Variants in CNTLN observed in about 807,000 individuals in gnomAD.
CNTLN encodes centlein.
A neutral mutation model predicts 180.0 loss-of-function variants in CNTLN; 212 were observed. The ratio of observed to expected loss-of-function variants is 1.18; its 90% confidence interval spans 1.05 to 1.32. The LOEUF (loss-of-function observed/expected upper bound fraction) is 1.32, where lower values mean the gene tolerates loss of function less well. CNTLN is among the 40% of genes most tolerant of loss of function. CNTLN has a pLI of 0.00. For synonymous variants in CNTLN, 722 were observed against 563.1 expected, an observed-to-expected ratio of 1.28 and a Z score of -3.99; for missense variants, 2,095 against 1,610.9, an observed-to-expected ratio of 1.30 and a Z score of -5.14.
intron 5 of CNTLN, among the ~76,000 whole-genome samples, chr9:17,269,550 T>C (rs1201901102): frequency 6.6e-6 from 1 of 152,196 alleles, no homozygotes; most frequent in Admixed American, 6.5e-5. Flanking sequence ...AATGTTTTGC[T>C]TAATTTCCAT....
intron 2 of CNTLN, among the ~76,000 whole-genome samples, chr9:17,213,018 T>C (rs978507254): frequency 6.6e-6 from 1 of 152,200 alleles, no homozygotes; most frequent in African/African-American, 2.4e-5. Flanking sequence ...GCTAGATTCA[T>C]TGATTTTTCT....
chr9:17,181,512 C>G (rs763065564), intron 2 of CNTLN, among the ~76,000 whole-genome samples: 2 of 152,204 alleles, frequency 1.3e-5, no homozygotes, highest in Non-Finnish European at 2.9e-5. Context: ...TCTGACATCT[C>G]TGTCATCTTG....
At chr9:17,276,304 T>C (rs906188871) in intron 6 of CNTLN, among the ~76,000 whole-genome samples, 1 of 152,074 alleles carries the variant, frequency 6.6e-6, no homozygotes, top group Non-Finnish European at 1.5e-5. Flanking sequence ...GGATATACTG[T>C]GTGTCTTGTT....
chr9:17,184,757 A>G (rs1288499276), intron 2 of CNTLN, among the ~76,000 whole-genome samples: 1 of 152,220 alleles, frequency 6.6e-6, no homozygotes, highest in Non-Finnish European at 1.5e-5. Flanking sequence ...CACAATAACC[A>G]TATTCAGAAA....
At chr9:17,471,944 G>C (rs1424125855) in intron 23 of CNTLN, among the ~76,000 whole-genome samples, 1 of 152,074 alleles carries the variant, frequency 6.6e-6, no homozygotes, top group Non-Finnish European at 1.5e-5. Context: ...AAAATGAAAA[G>C]TTAGCTTTGA....
At chr9:17,445,088 A>G (rs137951612) in intron 18 of CNTLN, among the ~76,000 whole-genome samples, 197 of 152,258 alleles carry the variant, frequency 1.3e-3, no homozygotes, top group African/African-American at 4.5e-3. Flanking sequence ...AAGATTTTTA[A>G]AAGTCCTTTC....
intron 12 of CNTLN, among the ~76,000 whole-genome samples, chr9:17,355,017 C>T (rs1244127715): frequency 2.0e-5 from 3 of 151,794 alleles, no homozygotes; most frequent in Non-Finnish European, 4.4e-5. Flanking sequence ...CCTGAGCCAG[C>T]GAGACCACGA....
intron 2 of CNTLN, among the ~76,000 whole-genome samples, chr9:17,214,852 T>C (rs1431982555): frequency 6.6e-6 from 1 of 152,268 alleles, no homozygotes; most frequent in African/African-American, 2.4e-5. Context: ...AATTGGCTAC[T>C]GAAACTTGTG....
At chr9:17,292,823 C>T (rs659637) in intron 6 of CNTLN, among the ~76,000 whole-genome samples, 23,944 of 149,524 alleles carry the variant, frequency 0.16, 2,092 homozygotes, top group South Asian at 0.33. Flanking sequence ...TCTCCACCTC[C>T]GCCCAGTTCT....
chr9:17,455,853 C>A (rs1200035872), intron 18 of CNTLN, among the ~76,000 whole-genome samples: 1 of 149,350 alleles, frequency 6.7e-6, no homozygotes, highest in Admixed American at 6.7e-5. Context: ...CATGTGATGC[C>A]TGACTGCAAC....
At chr9:17,325,818 G>A (rs1174097107) in intron 8 of CNTLN, among the ~76,000 whole-genome samples, 3 of 151,868 alleles carry the variant, frequency 2.0e-5, no homozygotes, top group Non-Finnish European at 4.4e-5. Context: ...TATCATCATT[G>A]CAATGTAGTA....
Position 17,418,888 on chromosome 9 carries a change from C to T in CNTLN, c.3114+2699C>T, listed in dbSNP as rs144216805. The stretch of plus-strand genomic sequence containing the variant: ...CATATGTAATTAAAGTACCATTGTT[C>T]GTTAAGAGGTTGATAAGAGGAACAC... On this transcript the variant is annotated intron_variant, in intron 18 of 25. Transcript: ENST00000380647. Among the ~76,000 whole-genome samples the T allele has an allele frequency of 1.2e-3, 186 of 152,030 alleles. 1 individual carries two copies. The highest frequency in any genetic ancestry group is 4.2e-3 in the African/African-American group (176 of 41,512).
chr9:17,464,749 A>AC, intron 21 of CNTLN, 126 bp downstream of exon 21: 6 of 552,628 alleles, frequency 1.1e-5, no homozygotes, highest in Non-Finnish European at 1.8e-5. Flanking sequence ...TACTGTTACA[A>AC]AGTAACACTC....
At chr9:17,301,461 T>C in intron 7 of CNTLN, 1 of 985,432 alleles carries the variant, frequency 1.0e-6, no homozygotes. Flanking sequence ...GGCTTACTTT[T>C]CCTTGTGTTT....
At chr9:17,399,596 C>G (rs1046361970) in intron 15 of CNTLN, among the ~76,000 whole-genome samples, 2 of 152,190 alleles carry the variant, frequency 1.3e-5, no homozygotes, top group Non-Finnish European at 2.9e-5. Context: ...CCCTTTCCAT[C>G]TTCCTTCCAT....
chr9:17,478,815 G>C (rs1832491061), intron 23 of CNTLN, among the ~76,000 whole-genome samples: 1 of 152,042 alleles, frequency 6.6e-6, no homozygotes, highest in South Asian at 2.1e-4. Context: ...TCTCTATTCT[G>C]TTCCATTGGT....
At chr9:17,487,193 T>A (rs1427631371) in intron 25 of CNTLN, 127 bp downstream of exon 25, 7 of 694,414 alleles carry the variant, frequency 1.0e-5, no homozygotes, top group Non-Finnish European at 1.8e-5. Flanking sequence ...AAAGAAGTAT[T>A]CCAATAGGTA....
At chr9:17,185,499 C>T (rs1344757881) in intron 2 of CNTLN, among the ~76,000 whole-genome samples, 1 of 152,156 alleles carries the variant, frequency 6.6e-6, no homozygotes. Context: ...TCAGATCTTT[C>T]TGTGATTGCT....
intron 6 of CNTLN, among the ~76,000 whole-genome samples, chr9:17,279,300 T>C (rs1466608711): frequency 1.3e-5 from 2 of 152,172 alleles, no homozygotes; most frequent in Admixed American, 1.3e-4. Flanking sequence ...CACTAAACTT[T>C]TTTACTCTTG....
Sources: allele counts gnomAD v4.1 joint callset (sites outside exome capture counted in the v4.1 genomes callset), GRCh38; gene constraint gnomAD v4.1.1; transcripts MANE v1.5; gene names NCBI Gene and HGNC (gene_info 2026-07-23, HGNC 2026-07-21).